The following KIF6 variants were observed in gnomAD, a reference collection of about 807,000 sequenced individuals.
The protein encoded by KIF6 is kinesin family member 6.
Under a neutral mutation model 112.7 loss-of-function variants are expected in KIF6, and 106 were observed. The ratio of observed to expected loss-of-function variants is 0.94; its 90% confidence interval spans 0.80 to 1.11. The LOEUF (loss-of-function observed/expected upper bound fraction) is 1.11. Ranked by LOEUF, KIF6 falls within the 50% of genes least tolerant of loss-of-function variation. The probability of loss-of-function intolerance (pLI) is 0.00; values close to 1 mark genes in which losing one functional copy is unlikely to be tolerated. For synonymous variants in KIF6, 339 were observed against 339.9 expected, an observed-to-expected ratio of 1.00 and a Z score of 0.03; for missense variants, 929 against 964.0, an observed-to-expected ratio of 0.96 and a Z score of 0.48.
chr6:39,492,777 CA>C (rs1320709408), intron 13 of KIF6, among the ~76,000 whole-genome samples: 3 of 152,166 alleles, frequency 2.0e-5, no homozygotes, highest in African/African-American at 7.2e-5. Context: ...GGATAGTTCT[CA>C]GGGTAAAGAA....
At chr6:39,535,680 C>A (rs1363124507) in intron 13 of KIF6, among the ~76,000 whole-genome samples, 24 of 152,276 alleles carry the variant, frequency 1.6e-4, no homozygotes, top group African/African-American at 5.8e-4. Flanking sequence ...CAAGGATACC[C>A]AGGAATTGAA....
intron 6 of KIF6, among the ~76,000 whole-genome samples, chr6:39,600,376 A>G (rs1422129069): frequency 6.6e-6 from 1 of 152,182 alleles, no homozygotes; most frequent in Non-Finnish European, 1.5e-5. Context: ...CAGAGACAAG[A>G]AGGAAAATAA....
intron 3 of KIF6, among the ~76,000 whole-genome samples, chr6:39,692,957 A>G (rs78091743): frequency 6.6e-6 from 1 of 152,216 alleles, no homozygotes; most frequent in South Asian, 2.1e-4. Context: ...CATCAAAAAT[A>G]TAACTATCAT....
At chr6:39,677,981 C>T (rs1236847938) in intron 3 of KIF6, among the ~76,000 whole-genome samples, 2 of 150,730 alleles carry the variant, frequency 1.3e-5, no homozygotes, top group African/African-American at 2.4e-5. Context: ...TGAATAGTGC[C>T]GCAATAAACA....
At chr6:39,447,572 G>A (rs1446907571) in intron 13 of KIF6, among the ~76,000 whole-genome samples, 1 of 152,146 alleles carries the variant, frequency 6.6e-6, no homozygotes, top group Non-Finnish European at 1.5e-5. Context: ...TTCATTGATG[G>A]AAGAGGAGAA....
chr6:39,420,925 T>C (rs1334148175), intron 14 of KIF6, among the ~76,000 whole-genome samples: 3 of 152,246 alleles, frequency 2.0e-5, no homozygotes, highest in Non-Finnish European at 4.4e-5. Context: ...TTTATGTTTC[T>C]GGCCTATGTT....
At chr6:39,642,804 C>A (rs1232412284) in intron 3 of KIF6, among the ~76,000 whole-genome samples, 1 of 151,918 alleles carries the variant, frequency 6.6e-6, no homozygotes, top group Non-Finnish European at 1.5e-5. Flanking sequence ...ATATGTATGC[C>A]CAGAAAAGAC....
At chr6:39,438,707 ATAT>A (rs1349740700) in intron 13 of KIF6, among the ~76,000 whole-genome samples, 1 of 152,202 alleles carries the variant, frequency 6.6e-6, no homozygotes, top group Non-Finnish European at 1.5e-5. Context: ...TATTATTGAA[ATAT>A]TAGTAAAAAT....
At chr6:39,563,266 A>G (rs908720002) in intron 10 of KIF6, among the ~76,000 whole-genome samples, 8 of 152,102 alleles carry the variant, frequency 5.3e-5, no homozygotes, top group Admixed American at 6.5e-5. Context: ...TTAGAAGACA[A>G]AAGATTACTC....
chr6:39,575,777 C>T (rs1214463862), intron 10 of KIF6, among the ~76,000 whole-genome samples: 1 of 152,146 alleles, frequency 6.6e-6, no homozygotes, highest in African/African-American at 2.4e-5. Context: ...ATTGGCTGTT[C>T]CTAGCCCTCT....
Position 39,588,465 on chromosome 6 carries a change from C to T in KIF6, c.847-2061G>A, listed in dbSNP as rs149782365. Reference sequence around the variant, plus strand: ...CCTGGCTCCAGTGATCCACCCGCCTCGGCCTCCCAAAGTGCTAGGATTACA... The same window carrying T: ...CCTGGCTCCAGTGATCCACCCGCCTTGGCCTCCCAAAGTGCTAGGATTACA... On this transcript the variant is annotated intron_variant, in intron 7 of 22. Coordinates refer to ENST00000287152, the MANE Select transcript of KIF6 (RefSeq NM_145027.6). 8.7e-4 allele frequency among the ~76,000 whole-genome samples: 133 copies of T among 152,226 alleles called. No homozygotes were observed. In the Middle Eastern group the frequency reaches 0.01, roughly 12 times the overall value.
intron 13 of KIF6, among the ~76,000 whole-genome samples, chr6:39,498,532 T>C (rs1370918752): frequency 6.6e-6 from 1 of 152,062 alleles, no homozygotes; most frequent in East Asian, 1.9e-4. Flanking sequence ...GGATAGTAGA[T>C]TTTTTTTCCT....
chr6:39,690,296 A>T (rs924663556), intron 3 of KIF6: 2 of 152,150 alleles, frequency 1.3e-5, no homozygotes, highest in Non-Finnish European at 2.9e-5. Context: ...ACTGATGCAA[A>T]GTAACGATGT....
At chr6:39,674,762 T>C (rs1787036349) in intron 3 of KIF6, among the ~76,000 whole-genome samples, 1 of 150,444 alleles carries the variant, frequency 6.6e-6, no homozygotes, top group Non-Finnish European at 1.5e-5. Context: ...CCAGATAATA[T>C]GCACATCAAA....
At chr6:39,397,779 A>T (rs749776884) in intron 15 of KIF6, among the ~76,000 whole-genome samples, 1 of 152,176 alleles carries the variant, frequency 6.6e-6, no homozygotes, top group African/African-American at 2.4e-5. Context: ...ACACTTCTTC[A>T]GCCAACAAAA....
At chr6:39,590,957 A>T (rs1460429831) in intron 7 of KIF6, among the ~76,000 whole-genome samples, 1 of 152,224 alleles carries the variant, frequency 6.6e-6, no homozygotes, top group African/African-American at 2.4e-5. Context: ...TATATCTTCC[A>T]TGTGGTAGAA....
chr6:39,647,706 A>AT (rs1185142569), intron 3 of KIF6, among the ~76,000 whole-genome samples: 16,013 of 136,636 alleles, frequency 0.12, 1,115 homozygotes, highest in Middle Eastern at 0.18. Flanking sequence ...GAAGGCCCTG[A>AT]TTTTTTTTTT....
At chr6:39,492,759 T>C (rs1290309600) in intron 13 of KIF6, among the ~76,000 whole-genome samples, 4 of 152,256 alleles carry the variant, frequency 2.6e-5, no homozygotes, top group East Asian at 1.9e-4. Context: ...AGGTCTACAG[T>C]TGGGGAAGGA....
At chr6:39,647,505 A>G (rs529165249) in intron 3 of KIF6, among the ~76,000 whole-genome samples, 13 of 152,276 alleles carry the variant, frequency 8.5e-5, no homozygotes, top group Middle Eastern at 6.8e-3. Flanking sequence ...AGCTGGTGAC[A>G]TGACTCAAGC....
Sources: allele counts gnomAD v4.1 joint callset (sites outside exome capture counted in the v4.1 genomes callset), GRCh38; gene constraint gnomAD v4.1.1; transcripts MANE v1.5; gene names NCBI Gene and HGNC (gene_info 2026-07-23, HGNC 2026-07-21).